Variants in CPNE5 observed in about 807,000 individuals in gnomAD.
CPNE5 encodes the protein copine-5.
A neutral mutation model predicts 81.1 loss-of-function variants in CPNE5; 42 were observed. The observed-to-expected ratio is 0.52, with a 90% CI of 0.40 to 0.67. CPNE5 has a LOEUF of 0.67. CPNE5 is among the 30% of genes least tolerant of loss of function. The probability of loss-of-function intolerance (pLI) is 0.00; values close to 1 mark genes in which losing one functional copy is unlikely to be tolerated. For missense variants in CPNE5, 612 were observed against 815.5 expected (o/e 0.75, Z 3.04); for synonymous variants, 313 against 321.5 (o/e 0.97, Z 0.28).
At chr6:36,808,277 G>A (rs1389037850) in intron 3 of CPNE5, among the ~76,000 whole-genome samples, 2 of 152,046 alleles carry the variant, frequency 1.3e-5, no homozygotes, top group Non-Finnish European at 2.9e-5. Flanking sequence ...TTTTAGTAGA[G>A]GCGGGGTTTG....
chr6:36,800,604 C>G (rs1274799477), intron 3 of CPNE5, among the ~76,000 whole-genome samples: 1 of 152,234 alleles, frequency 6.6e-6, no homozygotes, highest in African/African-American at 2.4e-5. Context: ...TAAAAGATCC[C>G]CACCTTTTGG....
chr6:36,791,251 G>T (rs1307844669), intron 8 of CPNE5, among the ~76,000 whole-genome samples: 2 of 152,168 alleles, frequency 1.3e-5, no homozygotes, highest in African/African-American at 4.8e-5. Context: ...TAGAGTCATG[G>T]CTCTGCTGTT....
chr6:36,772,062 C>T (rs996543128), intron 10 of CPNE5, among the ~76,000 whole-genome samples: 3 of 152,070 alleles, frequency 2.0e-5, no homozygotes, highest in Non-Finnish European at 4.4e-5. Flanking sequence ...GCCAGGCCTC[C>T]GAGCCCTGCT....
chr6:36,764,313 G>A (rs569424030), intron 11 of CPNE5, among the ~76,000 whole-genome samples: 13 of 152,102 alleles, frequency 8.5e-5, no homozygotes, highest in Non-Finnish European at 1.5e-4. Context: ...TGAGAGGCAA[G>A]GAGGGGAGGG....
intron 6 of CPNE5, among the ~76,000 whole-genome samples, chr6:36,797,637 C>T (rs1769710535): frequency 6.6e-6 from 1 of 152,254 alleles, no homozygotes; most frequent in Admixed American, 6.5e-5. Context: ...TTCCTCATCC[C>T]AGAGCCCGCT....
At chr6:36,744,832 G>T (rs549823599) in intron 18 of CPNE5, among the ~76,000 whole-genome samples, 1 of 152,176 alleles carries the variant, frequency 6.6e-6, no homozygotes, top group Admixed American at 6.5e-5. Context: ...CCTTCCACCC[G>T]CTAGAATCCA....
chr6:36,819,516 G>A (rs1359384179), intron 3 of CPNE5, among the ~76,000 whole-genome samples: 2 of 152,180 alleles, frequency 1.3e-5, no homozygotes, highest in Non-Finnish European at 2.9e-5. Flanking sequence ...TGGGGACTGG[G>A]GGCAGAGGGA....
intron 3 of CPNE5, among the ~76,000 whole-genome samples, chr6:36,817,423 C>T (rs916163796): frequency 3.0e-4 from 45 of 152,292 alleles, no homozygotes; most frequent in Admixed American, 7.2e-4. Context: ...AGTCTGGGCA[C>T]GGGTCCTGCT....
rs1239753659 is a variant in CPNE5 at position 36,748,203 on chromosome 6, A to G, written c.1018+18T>C. 1.2e-6 allele frequency: 2 copies of G among 1,613,144 alleles called. No individual in the cohort carries two copies. The highest frequency in any genetic ancestry group is 2.2e-5 in the South Asian group (2 of 91,050). ...CTCTCTCCTCCCACCCTGCTCCTCTACCCATCCCCCAACTCACCATTGGAG... is the reference window on the plus strand; with the variant it reads ...CTCTCTCCTCCCACCCTGCTCCTCTGCCCATCCCCCAACTCACCATTGGAG... On this transcript the variant is annotated intron_variant, in intron 15 of 20. Transcript: ENST00000244751.
chr6:36,754,102 G>C (rs1442637497), intron 13 of CPNE5: 4 of 152,136 alleles, frequency 2.6e-5, no homozygotes, highest in African/African-American at 9.7e-5. Flanking sequence ...CACGGCAGTG[G>C]CTTCAACCCT....
intron 1 of CPNE5, among the ~76,000 whole-genome samples, chr6:36,834,585 G>A (rs1284051516): frequency 6.6e-6 from 1 of 151,892 alleles, no homozygotes; most frequent in Non-Finnish European, 1.5e-5. Flanking sequence ...GAACCCAGTA[G>A]GCAGAGGTTG....
intron 1 of CPNE5, among the ~76,000 whole-genome samples, 175 bp from the exon 2 acceptor site, chr6:36,823,273 G>T (rs1324120140): frequency 6.6e-6 from 1 of 152,024 alleles, no homozygotes; most frequent in Non-Finnish European, 1.5e-5. Context: ...GGCCCTGGAG[G>T]TTCCTCAGCC....
intron 14 of CPNE5, among the ~76,000 whole-genome samples, chr6:36,751,801 TAAATAAAATA>T (rs145461492): frequency 5.8e-4 from 88 of 151,144 alleles, no homozygotes; most frequent in African/African-American, 2.0e-3. Context: ...TCTCAAAAAA[TAAATAAAATA>T]AAATAAAATA....
intron 12 of CPNE5, 98 bp from the exon 13 acceptor site, chr6:36,756,396 C>A: frequency 1.0e-6 from 1 of 998,404 alleles, no homozygotes; most frequent in Non-Finnish European, 1.6e-6. Context: ...CCAAGCCCAG[C>A]CCCATTAGAG....
chr6:36,758,613 T>A (rs1472887626), intron 12 of CPNE5, among the ~76,000 whole-genome samples: 1 of 151,994 alleles, frequency 6.6e-6, no homozygotes, highest in Non-Finnish European at 1.5e-5. Context: ...ATGCGAGAGG[T>A]CATGAGGACT....
intron 12 of CPNE5, among the ~76,000 whole-genome samples, chr6:36,761,102 CAAGCACCTTTAG>C (rs1208937130): frequency 2.0e-5 from 3 of 152,218 alleles, no homozygotes; most frequent in Non-Finnish European, 4.4e-5. Context: ...CTGGGCCTGT[CAAGCACCTTTAG>C]AAGCCAAGCT....
chr6:36,823,265 C>A (rs1304275244), intron 1 of CPNE5, among the ~76,000 whole-genome samples, 167 bp from the exon 2 acceptor site: 1 of 152,046 alleles, frequency 6.6e-6, no homozygotes, highest in East Asian at 1.9e-4. Flanking sequence ...ACTGGGCAGG[C>A]CCTGGAGGTT....
intron 1 of CPNE5, chr6:36,838,821 T>A: frequency 5.9e-6 from 5 of 849,118 alleles, no homozygotes; most frequent in African/African-American, 1.8e-5. Context: ...GAGGGGAGGA[T>A]CAGGATGCTG....
intron 6 of CPNE5, among the ~76,000 whole-genome samples, chr6:36,795,011 C>G (rs551023615): frequency 1.4e-4 from 22 of 152,154 alleles, no homozygotes; most frequent in Non-Finnish European, 2.9e-4. Context: ...CCTGTTCTCC[C>G]TTTCCAGACT....
Sources: allele counts gnomAD v4.1 joint callset (sites outside exome capture counted in the v4.1 genomes callset), GRCh38; gene constraint gnomAD v4.1.1; transcripts MANE v1.5; gene names NCBI Gene and HGNC (gene_info 2026-07-23, HGNC 2026-07-21).